The following IHO1 variants were observed in gnomAD, a reference collection of about 807,000 sequenced individuals.
IHO1 encodes the protein interactor of HORMAD1 protein 1.
IHO1 carries 13 observed loss-of-function variants against 31.0 expected under a neutral mutation model. The observed-to-expected ratio is 0.42, with a 90% CI of 0.27 to 0.67. The LOEUF (loss-of-function observed/expected upper bound fraction) is 0.67. IHO1 is among the 30% of genes least tolerant of loss of function. IHO1 has a pLI of 0.24. For missense variants in IHO1, 599 were observed against 687.5 expected (o/e 0.87, Z 1.44); for synonymous variants, 221 against 248.4 (o/e 0.89, Z 1.04).
chr3:49,219,606 A>G (rs1001922851), intron 2 of IHO1, among the ~76,000 whole-genome samples: 1 of 152,066 alleles, frequency 6.6e-6, no homozygotes, highest in African/African-American at 2.4e-5. Context: ...TAATTCTTCT[A>G]GTGCCGCTGG....
At chr3:49,245,565 C>G (rs2046684576) in intron 6 of IHO1, 1 of 152,234 alleles carries the variant, frequency 6.6e-6, no homozygotes, top group Non-Finnish European at 1.5e-5. Flanking sequence ...TAGATGAAAC[C>G]ATGGCCCTTG....
chr3:49,228,429 G>T, intron 2 of IHO1: 1 of 390,418 alleles, frequency 2.6e-6, no homozygotes, highest in Admixed American at 2.9e-5. Context: ...TGGCCGACAG[G>T]TGCCCGGTAT....
At chr3:49,203,023 C>T (rs1431282895) in intron 1 of IHO1, among the ~76,000 whole-genome samples, 3 of 151,924 alleles carry the variant, frequency 2.0e-5, no homozygotes, top group Non-Finnish European at 2.9e-5. Context: ...CCACCGCGCC[C>T]GGCCAATTTT....
chr3:49,246,290 A>C (rs1157819712), intron 6 of IHO1, among the ~76,000 whole-genome samples: 1 of 151,948 alleles, frequency 6.6e-6, no homozygotes, highest in Admixed American at 6.6e-5. Context: ...CCTTTGTATA[A>C]CATGATAGAG....
chr3:49,205,206 T>C (rs1380972134), intron 1 of IHO1, among the ~76,000 whole-genome samples: 1 of 152,202 alleles, frequency 6.6e-6, no homozygotes, highest in African/African-American at 2.4e-5. Context: ...TTTTAGATCA[T>C]ATAGGGTAAC....
chr3:49,202,517 G>A (rs1425518529), intron 1 of IHO1, among the ~76,000 whole-genome samples: 1 of 140,052 alleles, frequency 7.1e-6, no homozygotes, highest in African/African-American at 2.6e-5. Context: ...GTGTGTGTGT[G>A]TGTGTGTGTG....
intron 3 of IHO1, among the ~76,000 whole-genome samples, chr3:49,240,821 C>A (rs2046622522): frequency 2.0e-5 from 3 of 152,218 alleles, no homozygotes; most frequent in Non-Finnish European, 4.4e-5. Context: ...GCCCACTGTC[C>A]AGTCCACATC....
Position 49,236,574 on chromosome 3 carries a change from A to C in IHO1, c.83A>C (p.Asn28Thr). 1 of 1,611,628 alleles carries C rather than the reference A, an allele frequency of 6.2e-7. No individual in the cohort carries two copies. The highest frequency in any genetic ancestry group is 8.5e-7 in the Non-Finnish European group (1 of 1,178,722). The change falls in exon 3 of 8, where the codon AAT becomes ACT. Residue 28 changes from asparagine (N) to threonine (T), a missense_variant. Physicochemically the swap from Asn to Thr is moderately conservative, Grantham distance 65. Coordinates refer to ENST00000452691, the MANE Select transcript of IHO1 (RefSeq NM_001135197.2). Reference sequence around the variant, plus strand: ...AACAAGAAGTCATCCAACTGGAATAATAATCAAAATGATTATTCCAGTCTC... The same window carrying C: ...AACAAGAAGTCATCCAACTGGAATACTAATCAAAATGATTATTCCAGTCTC... ...SGNKKSSNWNNNQNDYSSLSD... is the reference protein window; with the variant it reads ...SGNKKSSNWNTNQNDYSSLSD...
At chr3:49,253,286 A>T (rs979127173) in intron 6 of IHO1, among the ~76,000 whole-genome samples, 2 of 151,956 alleles carry the variant, frequency 1.3e-5, no homozygotes, top group African/African-American at 4.8e-5. Flanking sequence ...ATAGCTGGGC[A>T]TGGTGGTGCA....
At chr3:49,254,961 G>A (rs565061705) in intron 6 of IHO1, among the ~76,000 whole-genome samples, 1 of 152,114 alleles carries the variant, frequency 6.6e-6, no homozygotes, top group Non-Finnish European at 1.5e-5. Flanking sequence ...CTACTTAGGA[G>A]CTGAGGCAGG....
At chr3:49,235,929 CAAA>C (rs35209519) in intron 2 of IHO1, among the ~76,000 whole-genome samples, 5 of 114,220 alleles carry the variant, frequency 4.4e-5, no homozygotes, top group African/African-American at 1.4e-4. Flanking sequence ...GACTCTGTCT[CAAA>C]AAAAAAAAAA....
Position 49,256,510 on chromosome 3 carries a change from C to G in IHO1, c.1013C>G (p.Ala338Gly), listed in dbSNP as rs2046826823. The G allele has an allele frequency of 6.2e-7, 1 of 1,614,146 alleles. No individual in the cohort carries two copies. The highest frequency in any genetic ancestry group is 8.5e-7 in the Non-Finnish European group (1 of 1,180,044). Residue 338 changes from alanine (A) to glycine (G), a missense_variant, in exon 8 of 8, where the codon GCA (alanine) becomes GGA (glycine). Coordinates refer to ENST00000452691, the MANE Select transcript of IHO1 (RefSeq NM_001135197.2). The surrounding 1 kb of genome is among the most constrained non-coding windows in gnomAD (Gnocchi z 4.6). ...DDLQEEAALPAFGSHERNRHV... is the reference protein window; with the variant it reads ...DDLQEEAALPGFGSHERNRHV... ...CTCCAAGAAGAGGCTGCACTGCCAG[C>G]ATTTGGGTCCCATGAAAGAAATAGG... is the stretch of plus-strand genomic sequence containing the variant.
At chr3:49,196,209 C>T (rs1455419592), upstream of IHO1, among the ~76,000 whole-genome samples, 7 of 121,478 alleles carry the variant, frequency 5.8e-5, no homozygotes, top group African/African-American at 9.7e-5. Flanking sequence ...CCAGCCTGGG[C>T]GACAGTAAGA....
chr3:49,204,983 G>A (rs1233488608), intron 1 of IHO1, among the ~76,000 whole-genome samples: 13 of 151,760 alleles, frequency 8.6e-5, no homozygotes, highest in South Asian at 4.2e-4. Flanking sequence ...AGCCGAGATC[G>A]TGCCACTGCA....
intron 3 of IHO1, among the ~76,000 whole-genome samples, chr3:49,239,871 G>A (rs1314777018): frequency 2.6e-5 from 4 of 151,954 alleles, no homozygotes; most frequent in African/African-American, 4.8e-5. Flanking sequence ...ATGTTGGTCA[G>A]GCTGTTCTTG....
intron 2 of IHO1, among the ~76,000 whole-genome samples, chr3:49,234,853 T>C (rs2046535070): frequency 6.7e-6 from 1 of 148,306 alleles, no homozygotes; most frequent in Non-Finnish European, 1.5e-5. Flanking sequence ...AGTTAATTCT[T>C]TTTTTTTTTT....
intron 2 of IHO1, among the ~76,000 whole-genome samples, chr3:49,219,403 C>T (rs180932554): frequency 1.2e-4 from 19 of 152,220 alleles, no homozygotes; most frequent in Admixed American, 1.2e-3. Flanking sequence ...GAGTCCATCC[C>T]TTTGTTTTGG....
Position 49,236,705 on chromosome 3 carries a change from C to A in IHO1, c.214C>A (p.Gln72Lys). Reference protein sequence around the residue: ...GAHLRHSKQSQQNYLEGEPSI... With the variant: ...GAHLRHSKQSKQNYLEGEPSI... ...CCACTTGAGACATTCAAAACAGTCACAACAGAACTATCTGGAGGTGAGTCT... is the reference window on the plus strand; with the variant it reads ...CCACTTGAGACATTCAAAACAGTCAAAACAGAACTATCTGGAGGTGAGTCT... The change falls in exon 3 of 8, where the codon CAA becomes AAA. Residue 72 changes from glutamine to lysine, a missense_variant. Coordinates refer to ENST00000452691, the MANE Select transcript of IHO1 (RefSeq NM_001135197.2). 6.2e-7 allele frequency: 1 copy of A among 1,613,336 alleles called. No homozygotes were observed. The highest frequency in any genetic ancestry group is 8.5e-7 in the Non-Finnish European group (1 of 1,179,814).
chr3:49,229,534 A>T (rs1374834146), intron 2 of IHO1, among the ~76,000 whole-genome samples: 1 of 152,240 alleles, frequency 6.6e-6, no homozygotes, highest in African/African-American at 2.4e-5. Flanking sequence ...GGGAAAGTGA[A>T]ATTAAATGAA....
Sources: gnomAD v4.1 joint callset for allele counts (sites outside exome capture counted in the v4.1 genomes callset) on GRCh38, gnomAD v4.1.1 for gene constraint, Gnocchi (gnomAD v3.1) non-coding constraint, MANE v1.5 for transcripts, NCBI Gene and HGNC (gene_info 2026-07-23, HGNC 2026-07-21) for gene names.